HECTD4: variants seen among roughly 807,000 people sequenced by gnomAD.
The protein encoded by HECTD4 is probable E3 ubiquitin-protein ligase HECTD4.
In HECTD4, 114 loss-of-function variants were observed where a neutral mutation model predicts 471.5. That is an observed-to-expected ratio of 0.24 (90% CI 0.21 to 0.28). HECTD4 has a LOEUF of 0.28. HECTD4 is among the 10% of genes least tolerant of loss of function. HECTD4 has a pLI of 1.00. For missense variants in HECTD4, 3,866 were observed against 5,651.5 expected (o/e 0.68, Z 10.13); for synonymous variants, 2,012 against 2,256.0 (o/e 0.89, Z 3.07).
chr12:112,209,648 G>A (rs745781376), intron 50 of HECTD4, among the ~76,000 whole-genome samples: 16 of 152,092 alleles, frequency 1.1e-4, no homozygotes, highest in Non-Finnish European at 1.9e-4. Context: ...TTTAGTGCAC[G>A]CCTATATATC....
At position 112,308,661 on chromosome 12, in the gene HECTD4, T is replaced by C. The variant is rs2035316899; in HGVS notation, c.1164+92A>G. On this transcript the variant is annotated intron_variant, in intron 6 of 75. Transcript: ENST00000682272. The stretch of plus-strand genomic sequence containing the variant: ...AGGATGCCACTCTGGGAGGAAAATA[T>C]ATCAACTGTATTATTATTACTTCTG... 8 of 1,187,386 alleles carry C rather than the reference T, an allele frequency of 6.7e-6. No individual in the cohort carries two copies. In the South Asian group the frequency reaches 8.3e-5, roughly 12 times the overall value. The allele number at this position is 1,187,386 out of a possible 1,614,324, so 73.6% of individuals were successfully genotyped here. A position where few individuals can be genotyped will look rare whatever the true frequency, so the allele number is the denominator to read the frequency against.
At chr12:112,271,015 T>TCAC (rs2034401780) in intron 11 of HECTD4, among the ~76,000 whole-genome samples, 1 of 152,204 alleles carries the variant, frequency 6.6e-6, no homozygotes, top group Non-Finnish European at 1.5e-5. Flanking sequence ...AGTCTGGAGT[T>TCAC]CAGGCAAGAG....
Position 112,243,576 on chromosome 12 carries a change from G to A in HECTD4, c.4791+44C>T, listed in dbSNP as rs2033689252. The stretch of plus-strand genomic sequence containing the variant: ...TGCTAACTGCCGCAAGACCCCGCAT[G>A]CTGTTAGGTGCTATTCATCTGGAGC... On this transcript the variant is annotated intron_variant, in intron 31 of 75. Transcript: ENST00000682272. This position sits in a 1 kb window ranked among gnomAD's most constrained non-coding sequence, Gnocchi z 6.6. The A allele has an allele frequency of 1.9e-6, 3 of 1,602,042 alleles. No individual in the cohort carries two copies. The highest frequency in any genetic ancestry group is 2.6e-6 in the Non-Finnish European group (3 of 1,173,278).
intron 1 of HECTD4, among the ~76,000 whole-genome samples, chr12:112,354,699 AACACAC>A (rs897304388): frequency 6.6e-6 from 1 of 151,022 alleles, no homozygotes; most frequent in Non-Finnish European, 1.5e-5. Flanking sequence ...ACAAAACAAC[AACACAC>A]ACACACACAC....
intron 43 of HECTD4, among the ~76,000 whole-genome samples, chr12:112,227,741 C>A (rs918803530): frequency 7.2e-5 from 11 of 152,020 alleles, no homozygotes; most frequent in Non-Finnish European, 1.5e-4. Flanking sequence ...CGAGTTCAAG[C>A]GATTCTCCTG....
At chr12:112,310,508 C>A (rs1007700493) in intron 4 of HECTD4, among the ~76,000 whole-genome samples, 3 of 152,152 alleles carry the variant, frequency 2.0e-5, no homozygotes, top group African/African-American at 7.2e-5. Context: ...ATAAAACTTT[C>A]ATTGTTTATT....
intron 69 of HECTD4, 35 bp from the exon 70 acceptor site, chr12:112,169,693 C>G: frequency 1.9e-6 from 3 of 1,609,904 alleles, no homozygotes; most frequent in Non-Finnish European, 2.5e-6. Flanking sequence ...AAGCACCCCG[C>G]CGTGGCCGCC....
chr12:112,371,886 C>CAAAA (rs535844706), intron 1 of HECTD4, among the ~76,000 whole-genome samples: 4 of 57,242 alleles, frequency 7.0e-5, no homozygotes, highest in Admixed American at 2.0e-4. Context: ...AACTCTGTCT[C>CAAAA]AAAAAAAAAA....
At chr12:112,211,480 T>G (rs2032758958) in intron 49 of HECTD4, among the ~76,000 whole-genome samples, 1 of 150,174 alleles carries the variant, frequency 6.7e-6, no homozygotes. Flanking sequence ...AAGATCACTG[T>G]GGTTGCTGGG....
chr12:112,309,518 T>C (rs2035332856), intron 5 of HECTD4, 43 bp downstream of exon 5: 1 of 835,046 alleles, frequency 1.2e-6, no homozygotes, highest in South Asian at 1.5e-5. Flanking sequence ...GTAAGGAGGA[T>C]AATGTTCTAG....
At chr12:112,232,176 A>G (rs958343772) in intron 38 of HECTD4, among the ~76,000 whole-genome samples, 8 of 152,050 alleles carry the variant, frequency 5.3e-5, no homozygotes, top group Non-Finnish European at 8.8e-5. Flanking sequence ...TGTTGCCCAG[A>G]CTAGAGTGCA....
intron 44 of HECTD4, among the ~76,000 whole-genome samples, chr12:112,225,158 AAG>A (rs920108064): frequency 2.0e-5 from 3 of 152,258 alleles, no homozygotes; most frequent in Admixed American, 6.5e-5. Context: ...TATCAAAAGA[AAG>A]AGATGTGAGA....
intron 21 of HECTD4, among the ~76,000 whole-genome samples, chr12:112,254,824 C>T (rs1345194970): frequency 6.6e-6 from 1 of 152,170 alleles, no homozygotes; most frequent in Non-Finnish European, 1.5e-5. Flanking sequence ...GGCTGACTTT[C>T]TAATCGGCAG....
Position 112,171,043 on chromosome 12 carries a change from C to T in HECTD4, c.11932+74G>A, listed in dbSNP as rs7300743. The T allele has an allele frequency of 6.8e-5, 91 of 1,336,630 alleles. No homozygotes were observed. The African/African-American group carries it at 1.2e-3, about 17-fold the overall frequency. The allele number at this position is 1,336,630 out of a possible 1,614,324, so 82.8% of individuals were successfully genotyped here. On this transcript the variant is annotated intron_variant, in intron 68 of 75. Transcript: ENST00000682272. The stretch of plus-strand genomic sequence containing the variant: ...GGCGGGGCTGCCCAAGGACGCTGCC[C>T]GTGGATTCTGGCCCTGGTGTCTTGC...
chr12:112,353,551 C>A (rs543456537), intron 1 of HECTD4, among the ~76,000 whole-genome samples: 1 of 152,072 alleles, frequency 6.6e-6, no homozygotes, highest in Non-Finnish European at 1.5e-5. Context: ...AAACTACAGG[C>A]GGGGTGTGGT....
rs1485602529 is a variant in HECTD4 at position 112,217,322 on chromosome 12, C to CACACACACACACAT, written c.7075-141_7075-128dup. 4 of 504,484 alleles carry CACACACACACACAT rather than the reference C, an allele frequency of 7.9e-6. No individual in the cohort carries two copies. The African/African-American group carries it at 8.6e-5, about 11-fold the overall frequency. 31.3% of individuals were successfully genotyped at this position (504,484 alleles called of 1,614,324 possible). A position where few individuals can be genotyped will look rare whatever the true frequency, so the allele number is the denominator to read the frequency against. On this transcript the variant is annotated intron_variant, in intron 45 of 75. Coordinates refer to ENST00000682272, the MANE Select transcript of HECTD4 (RefSeq NM_001388303.1). ...GCATACACACACACACACACATACA[C>CACACACACACACAT]ACACACACACACATACACACACACA... is the stretch of plus-strand genomic sequence containing the variant.
intron 7 of HECTD4, among the ~76,000 whole-genome samples, chr12:112,304,923 C>T (rs1400853378): frequency 6.6e-6 from 1 of 152,116 alleles, no homozygotes; most frequent in Non-Finnish European, 1.5e-5. Context: ...TAGAAAATTG[C>T]TTCGGTGTTT....
intron 25 of HECTD4, among the ~76,000 whole-genome samples, chr12:112,248,874 C>T (rs1365312005): frequency 1.3e-5 from 2 of 152,310 alleles, no homozygotes; most frequent in East Asian, 3.9e-4. Flanking sequence ...CATGAGCCAC[C>T]ATGCCCCAGG....
chr12:112,208,203 C>T (rs1448753780), intron 51 of HECTD4, among the ~76,000 whole-genome samples: 2 of 152,322 alleles, frequency 1.3e-5, no homozygotes, highest in South Asian at 2.1e-4. Context: ...CTTCGTTTCC[C>T]TCTAAAGAAG....
Sources: allele counts gnomAD v4.1 joint callset (sites outside exome capture counted in the v4.1 genomes callset), GRCh38; gene constraint gnomAD v4.1.1; non-coding constraint Gnocchi (gnomAD v3.1); transcripts MANE v1.5; gene names NCBI Gene and HGNC (gene_info 2026-07-23, HGNC 2026-07-21).